IPPK: variants seen among roughly 807,000 people sequenced by gnomAD.
IPPK encodes inositol-pentakisphosphate 2-kinase.
IPPK carries 22 observed loss-of-function variants against 64.6 expected under a neutral mutation model. The ratio of observed to expected loss-of-function variants is 0.34; its 90% CI spans 0.24 to 0.49. The LOEUF (loss-of-function observed/expected upper bound fraction) is 0.49, where lower values mean the gene tolerates loss of function less well. Among genes scored for constraint, IPPK ranks in the 20% least tolerant of loss-of-function variants. The pLI, the probability that IPPK is intolerant of heterozygous loss-of-function variation, is 0.99. For synonymous variants in IPPK, 262 were observed against 247.2 expected (o/e 1.06, Z -0.56); for missense variants, 532 against 630.7 (o/e 0.84, Z 1.68).
intron 6 of IPPK, among the ~76,000 whole-genome samples, chr9:92,646,680 G>A (rs1189031908): frequency 2.6e-5 from 4 of 152,120 alleles, no homozygotes; most frequent in Admixed American, 6.5e-5. Context: ...GCTAGAGGCC[G>A]GGCACGGTGG....
chr9:92,618,257 G>C, intron 12 of IPPK: 1 of 456,604 alleles, frequency 2.2e-6, no homozygotes, highest in Non-Finnish European at 4.4e-6. Context: ...CTACACCCTA[G>C]GTCTGAGAAG....
rs762263602 is a variant in IPPK, at chr9:92,635,145, C to T, written c.1067+13G>A. On this transcript the variant is annotated intron_variant, in intron 10 of 12. Transcript: ENST00000287996. This position sits in a 1 kb window ranked among gnomAD's most constrained non-coding sequence, Gnocchi z 4.4. ...TCTCAGGGCTGCCCAACAGGGGGAC[C>T]GCCCGACCTCACCTCTCCTCGGGAA... 1.2e-5 allele frequency: 20 copies of T among 1,605,160 alleles called. No individual in the cohort carries two copies. The highest frequency in any genetic ancestry group is 1.5e-5 in the Non-Finnish European group (18 of 1,174,444).
chr9:92,666,953 GAAC>G (rs1852611794), intron 1 of IPPK, among the ~76,000 whole-genome samples: 1 of 152,168 alleles, frequency 6.6e-6, no homozygotes, highest in African/African-American at 2.4e-5. Context: ...ACTGCAGGAA[GAAC>G]ATCACTGTGC....
At chr9:92,657,913 C>T (rs535405167) in intron 2 of IPPK, among the ~76,000 whole-genome samples, 17 of 152,224 alleles carry the variant, frequency 1.1e-4, no homozygotes, top group African/African-American at 3.4e-4. Context: ...GGGGCAGTGA[C>T]TCACCAACCC....
At chr9:92,625,939 C>T in intron 11 of IPPK, among the ~76,000 whole-genome samples, 1 of 151,610 alleles carries the variant, frequency 6.6e-6, no homozygotes, top group East Asian at 1.9e-4. Flanking sequence ...TTTTTAACCA[C>T]CAAGGTTTTA....
chr9:92,621,885 C>T (rs1851643042), intron 11 of IPPK, among the ~76,000 whole-genome samples: 1 of 152,112 alleles, frequency 6.6e-6, no homozygotes, highest in Non-Finnish European at 1.5e-5. Context: ...GTTTTACGGG[C>T]AGGTCTAGGC....
intron 6 of IPPK, among the ~76,000 whole-genome samples, chr9:92,643,592 A>T (rs1417404708): frequency 1.2e-5 from 1 of 80,116 alleles, no homozygotes; most frequent in Non-Finnish European, 2.8e-5. Context: ...AATTTTGCTT[A>T]AAAAAAAAAA....
intron 11 of IPPK, 52 bp from the exon 12 acceptor site, chr9:92,619,617 C>T: frequency 2.1e-6 from 3 of 1,454,742 alleles, no homozygotes; most frequent in East Asian, 2.5e-5. Flanking sequence ...CCTCTGCCCC[C>T]CCACACAACC....
chr9:92,625,266 T>C (rs926946793), intron 11 of IPPK, among the ~76,000 whole-genome samples: 1 of 152,168 alleles, frequency 6.6e-6, no homozygotes, highest in African/African-American at 2.4e-5. Flanking sequence ...CGCAAGGACA[T>C]GGGGAAACTG....
chr9:92,649,146 G>A (rs76953303), intron 5 of IPPK, among the ~76,000 whole-genome samples: 1,652 of 152,320 alleles, frequency 0.011, 12 homozygotes, highest in Non-Finnish European at 0.019. Context: ...GGGTCAGGGG[G>A]ACCCAACGCG....
intron 11 of IPPK, chr9:92,619,948 C>T (rs945547680): frequency 1.2e-5 from 3 of 258,712 alleles, no homozygotes; most frequent in African/African-American, 6.4e-5. Context: ...AAGTGAGTAT[C>T]ACTCGACACC....
intron 11 of IPPK, among the ~76,000 whole-genome samples, chr9:92,627,874 AG>A (rs1851762366): frequency 6.6e-6 from 1 of 152,226 alleles, no homozygotes; most frequent in Admixed American, 6.5e-5. Flanking sequence ...AATAAATCAA[AG>A]GCATCCAAAT....
chr9:92,624,464 A>G (rs539354664), intron 11 of IPPK, among the ~76,000 whole-genome samples: 2 of 152,036 alleles, frequency 1.3e-5, no homozygotes, highest in Admixed American at 1.3e-4. Context: ...ATCTCCAAAA[A>G]AAAAAAAGGA....
chr9:92,667,449 C>A (rs957495395), intron 1 of IPPK, among the ~76,000 whole-genome samples: 1 of 152,238 alleles, frequency 6.6e-6, no homozygotes, highest in African/African-American at 2.4e-5. Context: ...CAGGGCAGAG[C>A]TGGTGGGCTA....
At chr9:92,645,633 C>G (rs914248911) in intron 6 of IPPK, among the ~76,000 whole-genome samples, 1 of 151,898 alleles carries the variant, frequency 6.6e-6, no homozygotes, top group Non-Finnish European at 1.5e-5. Context: ...TACAAAGCAC[C>G]TTCCCTAAGA....
intron 2 of IPPK, among the ~76,000 whole-genome samples, 167 bp from the exon 3 acceptor site, chr9:92,656,718 T>A (rs756185193): frequency 1.3e-5 from 2 of 152,066 alleles, no homozygotes; most frequent in Non-Finnish European, 2.9e-5. Flanking sequence ...AGGTCCCCAG[T>A]GCCCTTCCTC....
At chr9:92,657,828 C>G (rs1230109624) in intron 2 of IPPK, among the ~76,000 whole-genome samples, 3 of 152,012 alleles carry the variant, frequency 2.0e-5, no homozygotes, top group Non-Finnish European at 4.4e-5. Flanking sequence ...CCTCCACCCA[C>G]CACCACCCCC....
chr9:92,669,365 G>A (rs890435414), intron 1 of IPPK, among the ~76,000 whole-genome samples: 2 of 152,258 alleles, frequency 1.3e-5, no homozygotes, highest in African/African-American at 4.8e-5. Flanking sequence ...AAAAGGTTGA[G>A]AAGAGGACCT....
At chr9:92,664,796 C>T (rs1287170567) in intron 1 of IPPK, among the ~76,000 whole-genome samples, 4 of 152,226 alleles carry the variant, frequency 2.6e-5, no homozygotes, top group African/African-American at 9.6e-5. Context: ...AGTAATGATG[C>T]TTTTCTCACC....
Sources: allele counts gnomAD v4.1 joint callset (sites outside exome capture counted in the v4.1 genomes callset), GRCh38; gene constraint gnomAD v4.1.1; non-coding constraint Gnocchi (gnomAD v3.1); transcripts MANE v1.5; gene names NCBI Gene and HGNC (gene_info 2026-07-23, HGNC 2026-07-21).